The following CACNG5 variants were observed in gnomAD, a reference collection of about 807,000 sequenced individuals.
The protein encoded by CACNG5 is voltage-dependent calcium channel gamma-5 subunit.
Under a neutral mutation model 24.8 loss-of-function variants are expected in CACNG5, and 18 were observed. The observed-to-expected ratio is 0.73, with a 90% CI of 0.50 to 1.08. The LOEUF (loss-of-function observed/expected upper bound fraction) is 1.08. CACNG5 is among the 50% of genes least tolerant of loss of function. The probability of loss-of-function intolerance (pLI) is 0.00; values close to 1 mark genes in which losing one functional copy is unlikely to be tolerated. For missense variants in CACNG5, 349 were observed against 367.9 expected (o/e 0.95, Z 0.42); for synonymous variants, 157 against 149.1 (o/e 1.05, Z -0.39).
At chr17:66,836,084 T>C (rs1307368108) in intron 1 of CACNG5, among the ~76,000 whole-genome samples, 1 of 152,168 alleles carries the variant, frequency 6.6e-6, no homozygotes, top group Admixed American at 6.5e-5. Flanking sequence ...AAGAAGCTCA[T>C]ATTCTGACTA....
At chr17:66,882,079 G>C (rs772233840) in intron 4 of CACNG5, among the ~76,000 whole-genome samples, 2 of 152,174 alleles carry the variant, frequency 1.3e-5, no homozygotes, top group African/African-American at 4.8e-5. Flanking sequence ...GAGGCAGGGA[G>C]ACTAGGCAAG....
intron 1 of CACNG5, among the ~76,000 whole-genome samples, chr17:66,869,266 T>G (rs1976970146): frequency 6.6e-6 from 1 of 152,094 alleles, no homozygotes. Flanking sequence ...GTATTTTTAA[T>G]AGAAACAGGA....
chr17:66,836,293 C>T (rs1285279591), intron 1 of CACNG5, among the ~76,000 whole-genome samples: 2 of 152,182 alleles, frequency 1.3e-5, no homozygotes, highest in African/African-American at 2.4e-5. Flanking sequence ...AAGCTGTCAC[C>T]GAGGCTGGCT....
intron 1 of CACNG5, among the ~76,000 whole-genome samples, chr17:66,866,742 A>G (rs1466233314): frequency 1.3e-5 from 2 of 152,022 alleles, no homozygotes; most frequent in Non-Finnish European, 1.5e-5. Context: ...TTCCTGTGTT[A>G]GTTTGCTGAG....
chr17:66,845,005 G>A (rs1378628752), intron 1 of CACNG5, among the ~76,000 whole-genome samples: 1 of 152,140 alleles, frequency 6.6e-6, no homozygotes, highest in African/African-American at 2.4e-5. Context: ...TATGTTTATT[G>A]CAGCACTATT....
At chr17:66,861,921 TC>T (rs1568066693) in intron 1 of CACNG5, among the ~76,000 whole-genome samples, 1 of 152,206 alleles carries the variant, frequency 6.6e-6, no homozygotes, top group Non-Finnish European at 1.5e-5. Context: ...TCCTGCCTTT[TC>T]TAAAGGGTGT....
rs998754084 is a variant in CACNG5 at position 66,892,380 on chromosome 17, A to G, written c.*7140A>G. On this transcript the variant is annotated 3_prime_UTR_variant, in exon 6 of 6. Coordinates refer to ENST00000533854, the MANE Select transcript of CACNG5 (RefSeq NM_145811.3). ...GAGGATAGAGAACATTCTGGAGCCA[A>G]CGTGTTCTCCAGCCCACTGTCAGGG... is the stretch of plus-strand genomic sequence containing the variant. Among the ~76,000 whole-genome samples, 1 of 152,264 alleles carries G rather than the reference A, an allele frequency of 6.6e-6. No individual in the cohort carries two copies. Among genetic ancestry groups the G allele is most frequent in the East Asian group, 1.9e-4 (1 of 5,200 alleles).
chr17:66,851,872 C>T (rs1976712809), intron 1 of CACNG5, among the ~76,000 whole-genome samples: 1 of 152,170 alleles, frequency 6.6e-6, no homozygotes, highest in African/African-American at 2.4e-5. Flanking sequence ...AGATTGTAGC[C>T]ATTAACACAA....
At chr17:66,879,711 G>A (rs573107931) in intron 3 of CACNG5, among the ~76,000 whole-genome samples, 3 of 152,324 alleles carry the variant, frequency 2.0e-5, no homozygotes, top group South Asian at 2.1e-4. Flanking sequence ...TCTCTCCATG[G>A]AATCAGGTTG....
Position 66,837,732 on chromosome 17 carries a change from G to A in CACNG5, c.-104+2482G>A, listed in dbSNP as rs372048051. 5.3e-5 allele frequency among the ~76,000 whole-genome samples: 8 copies of A among 152,312 alleles called. No homozygotes were observed. The East Asian group carries it at 1.2e-3, about 22-fold the overall frequency. On this transcript the variant is annotated intron_variant, in intron 1 of 5. Coordinates refer to ENST00000533854, the MANE Select transcript of CACNG5 (RefSeq NM_145811.3). ...TTCAGGGCCTTGGAGAGGAGAGAAA[G>A]AGAAGGCAGAACAGAGAGGAGGGAA...
chr17:66,866,968 C>A (rs918982199), intron 1 of CACNG5, among the ~76,000 whole-genome samples: 1 of 152,086 alleles, frequency 6.6e-6, no homozygotes, highest in Admixed American at 6.6e-5. Flanking sequence ...GATTTATATT[C>A]CTTTGGGTAT....
intron 1 of CACNG5, among the ~76,000 whole-genome samples, chr17:66,870,873 G>C (rs1025150390): frequency 6.6e-6 from 1 of 152,060 alleles, no homozygotes; most frequent in Non-Finnish European, 1.5e-5. Context: ...CCAGCTACTT[G>C]GGAGGCTGAG....
intron 3 of CACNG5, among the ~76,000 whole-genome samples, chr17:66,879,879 G>T (rs1221813302): frequency 1.3e-5 from 2 of 152,104 alleles, no homozygotes; most frequent in Non-Finnish European, 2.9e-5. Flanking sequence ...TTGCCTAGAG[G>T]CCAGGCTGAT....
chr17:66,862,464 CAT>C (rs1296152283), intron 1 of CACNG5, among the ~76,000 whole-genome samples: 6 of 151,344 alleles, frequency 4.0e-5, no homozygotes, highest in South Asian at 2.1e-4. Context: ...CACATAGGCA[CAT>C]GTGTGTATGC....
chr17:66,847,463 G>C (rs1276951709), intron 1 of CACNG5, among the ~76,000 whole-genome samples: 1 of 152,212 alleles, frequency 6.6e-6, no homozygotes, highest in Non-Finnish European at 1.5e-5. Flanking sequence ...GCAGGCAAGA[G>C]AGTGTGTGCA....
intron 3 of CACNG5, 111 bp downstream of exon 3, chr17:66,879,169 A>C: frequency 1.4e-6 from 1 of 727,830 alleles, no homozygotes; most frequent in South Asian, 1.8e-5. Context: ...CCTTAGACTC[A>C]GCTGGGTGTG....
Position 66,891,468 on chromosome 17 carries a change from G to T in CACNG5, c.*6228G>T, listed in dbSNP as rs568577204. 1.3e-5 allele frequency among the ~76,000 whole-genome samples: 2 copies of T among 152,304 alleles called. No homozygotes were observed. The highest frequency in any genetic ancestry group is 4.8e-5 in the African/African-American group (2 of 41,558). ...ATTTCAAAGGCTTCCCTGCTCATTGGTGTGGCAATTGCATCCACTGAGACT... is the reference window on the plus strand; with the variant it reads ...ATTTCAAAGGCTTCCCTGCTCATTGTTGTGGCAATTGCATCCACTGAGACT... On this transcript the variant is annotated 3_prime_UTR_variant, in exon 6 of 6. Coordinates refer to ENST00000533854, the MANE Select transcript of CACNG5 (RefSeq NM_145811.3).
chr17:66,879,840 T>G (rs1331496487), intron 3 of CACNG5, among the ~76,000 whole-genome samples: 2 of 152,142 alleles, frequency 1.3e-5, no homozygotes, highest in Non-Finnish European at 2.9e-5. Flanking sequence ...ATTGATCATG[T>G]GATTGAACTC....
intron 1 of CACNG5, among the ~76,000 whole-genome samples, chr17:66,874,062 AAG>A (rs1051552135): frequency 5.3e-5 from 8 of 152,166 alleles, no homozygotes; most frequent in African/African-American, 1.7e-4. Flanking sequence ...AGCCTTGAAA[AAG>A]GGCTTGGGAG....
Sources: gnomAD v4.1 joint callset for allele counts (sites outside exome capture counted in the v4.1 genomes callset) on GRCh38, gnomAD v4.1.1 for gene constraint, MANE v1.5 for transcripts, NCBI Gene and HGNC (gene_info 2026-07-23, HGNC 2026-07-21) for gene names.